Variants in DYNC1I1 observed in about 807,000 individuals in gnomAD.
The protein encoded by DYNC1I1 is dynein cytoplasmic 1 intermediate chain 1.
Under a neutral mutation model 86.6 loss-of-function variants are expected in DYNC1I1, and 43 were observed. The ratio of observed to expected loss-of-function variants is 0.50; its 90% CI spans 0.39 to 0.64. DYNC1I1 has a LOEUF of 0.64. Among genes scored for constraint, DYNC1I1 ranks in the 30% least tolerant of loss-of-function variants. The probability of loss-of-function intolerance (pLI) is 0.00; values close to 1 mark genes in which losing one functional copy is unlikely to be tolerated. For missense variants in DYNC1I1, 604 were observed against 788.8 expected, an observed-to-expected ratio of 0.77 and a Z score of 2.81; for synonymous variants, 262 against 283.7, an observed-to-expected ratio of 0.92 and a Z score of 0.77.
chr7:96,011,432 T>C (rs1319724870), intron 10 of DYNC1I1, among the ~76,000 whole-genome samples: 1 of 152,218 alleles, frequency 6.6e-6, no homozygotes, highest in Non-Finnish European at 1.5e-5. Context: ...GTGAGAGTTA[T>C]GTGCTATGTT....
intron 6 of DYNC1I1, among the ~76,000 whole-genome samples, chr7:95,937,368 A>C (rs780408623): frequency 6.6e-6 from 1 of 152,078 alleles, no homozygotes; most frequent in Non-Finnish European, 1.5e-5. Flanking sequence ...TGGGTATGTT[A>C]ATTAGCTTGA....
chr7:95,887,761 C>T (rs1790632926), intron 6 of DYNC1I1, among the ~76,000 whole-genome samples: 2 of 152,124 alleles, frequency 1.3e-5, no homozygotes, highest in Non-Finnish European at 2.9e-5. Context: ...GCCCAAAGTC[C>T]ATCCCCTAAT....
chr7:95,776,716 AG>A (rs1178538000), intron 1 of DYNC1I1, among the ~76,000 whole-genome samples: 1 of 152,222 alleles, frequency 6.6e-6, no homozygotes, highest in African/African-American at 2.4e-5. Context: ...CCAGGAGTCC[AG>A]GTGGCAGGTA....
chr7:95,914,560 G>A (rs1791420833), intron 6 of DYNC1I1, among the ~76,000 whole-genome samples: 1 of 152,122 alleles, frequency 6.6e-6, no homozygotes, highest in African/African-American at 2.4e-5. Context: ...TGATCATCCT[G>A]CTTTATTTCC....
At chr7:95,973,760 T>G (rs1793234698) in intron 6 of DYNC1I1, among the ~76,000 whole-genome samples, 1 of 152,172 alleles carries the variant, frequency 6.6e-6, no homozygotes, top group Admixed American at 6.5e-5. Flanking sequence ...AGAATTAATG[T>G]TTAAAATAAA....
intron 1 of DYNC1I1, among the ~76,000 whole-genome samples, chr7:95,777,351 T>C (rs987401849): frequency 6.6e-6 from 1 of 152,124 alleles, no homozygotes; most frequent in Non-Finnish European, 1.5e-5. Context: ...CTTGCAGGGG[T>C]AACTGTAAAT....
chr7:95,799,946 A>G (rs944522586), intron 1 of DYNC1I1, among the ~76,000 whole-genome samples: 5 of 151,732 alleles, frequency 3.3e-5, no homozygotes, highest in African/African-American at 4.8e-5. Context: ...TAATGATAGA[A>G]AAGGAAGAGG....
chr7:95,948,793 A>G (rs566830812), intron 6 of DYNC1I1, among the ~76,000 whole-genome samples: 2 of 152,178 alleles, frequency 1.3e-5, no homozygotes, highest in Non-Finnish European at 2.9e-5. Context: ...GTTTTGCAAA[A>G]CTGGAGCACG....
Position 96,097,719 on chromosome 7 carries a change from T to C in DYNC1I1, c.*126T>C, listed in dbSNP as rs1791059473. On this transcript the variant is annotated 3_prime_UTR_variant, in exon 17 of 17. Coordinates refer to ENST00000447467, the MANE Select transcript of DYNC1I1 (RefSeq NM_001135556.2). The stretch of plus-strand genomic sequence containing the variant: ...TGCTGTGATATTTTGGGTGCCATAT[T>C]GTGCCAGCTTTGCTCCAAGTATTCT... 3.5e-6 allele frequency: 5 copies of C among 1,435,440 alleles called. No homozygotes were observed. The highest frequency in any genetic ancestry group is 4.6e-6 in the Non-Finnish European group (5 of 1,085,216). The allele number at this position is 1,435,440 out of a possible 1,614,324, so 88.9% of individuals were successfully genotyped here. A position where few individuals can be genotyped will look rare whatever the true frequency, so the allele number is the denominator to read the frequency against.
intron 5 of DYNC1I1, among the ~76,000 whole-genome samples, chr7:95,834,355 C>T (rs1176676516): frequency 1.2e-5 from 1 of 80,054 alleles, no homozygotes; most frequent in African/African-American, 5.8e-5. Flanking sequence ...TTTTGATGTG[C>T]TGCTGGATTC....
chr7:95,969,027 G>A (rs1340692643), intron 6 of DYNC1I1, among the ~76,000 whole-genome samples: 5 of 152,204 alleles, frequency 3.3e-5, no homozygotes, highest in Non-Finnish European at 5.9e-5. Flanking sequence ...CCCTGCTTAC[G>A]AGAATGTAGA....
intron 14 of DYNC1I1, among the ~76,000 whole-genome samples, chr7:96,060,948 AC>A (rs1449846946): frequency 1.1e-4 from 16 of 152,340 alleles, no homozygotes; most frequent in African/African-American, 3.4e-4. Flanking sequence ...AAGTCAGAAA[AC>A]AATGGCTGAG....
intron 16 of DYNC1I1, among the ~76,000 whole-genome samples, chr7:96,092,620 A>G (rs928671796): frequency 1.3e-5 from 2 of 152,096 alleles, no homozygotes; most frequent in African/African-American, 4.8e-5. Context: ...GGTTAGACTG[A>G]TAAGTTTTTC....
In DYNC1I1 at chr7:95,943,963, G is replaced by T. The variant is rs575256966; in HGVS notation, c.491-33549G>T. Among the ~76,000 whole-genome samples the T allele has an allele frequency of 4.1e-4, 62 of 152,078 alleles. No homozygotes were observed. In the East Asian group the frequency reaches 8.7e-3, roughly 21 times the overall value. ...CATTAACATTCAGGACATAGGCATG[G>T]GCAAGGACTTCATGTCTAAAACACC... On this transcript the variant is annotated intron_variant, in intron 6 of 16. Transcript: ENST00000447467.
chr7:96,041,247 G>C (rs932431694), intron 14 of DYNC1I1, among the ~76,000 whole-genome samples: 1 of 152,100 alleles, frequency 6.6e-6, no homozygotes. Flanking sequence ...TCATTTATAA[G>C]AGAAATTAAA....
At chr7:95,896,610 C>T (rs1021779430) in intron 6 of DYNC1I1, among the ~76,000 whole-genome samples, 1 of 152,092 alleles carries the variant, frequency 6.6e-6, no homozygotes, top group Admixed American at 6.6e-5. Flanking sequence ...CAGCTCAGTC[C>T]GACTCAGAAT....
chr7:95,829,327 T>C (rs976916673), intron 5 of DYNC1I1, among the ~76,000 whole-genome samples: 6 of 152,172 alleles, frequency 3.9e-5, no homozygotes, highest in Non-Finnish European at 8.8e-5. Context: ...CAAGGAAATA[T>C]CCTAACATTT....
chr7:95,870,115 T>G (rs912058258), intron 6 of DYNC1I1, 117 bp downstream of exon 6: 4 of 871,520 alleles, frequency 4.6e-6, no homozygotes, highest in African/African-American at 1.8e-5. Flanking sequence ...ACAAACATAA[T>G]GACACTGAAA....
intron 6 of DYNC1I1, among the ~76,000 whole-genome samples, chr7:95,877,032 T>G (rs1790327926): frequency 6.6e-6 from 1 of 152,182 alleles, no homozygotes; most frequent in South Asian, 2.1e-4. Flanking sequence ...TGAACCATAC[T>G]CCATTCCCTC....
Sources: allele counts gnomAD v4.1 joint callset (sites outside exome capture counted in the v4.1 genomes callset), GRCh38; gene constraint gnomAD v4.1.1; transcripts MANE v1.5; gene names NCBI Gene and HGNC (gene_info 2026-07-23, HGNC 2026-07-21).